Variants in LDAF1 observed in about 807,000 individuals in gnomAD.
The protein encoded by LDAF1 is PROMETHIN.
In LDAF1, 7 loss-of-function variants were observed where a neutral mutation model predicts 13.5. That is an observed-to-expected ratio of 0.52 (90% CI 0.29 to 0.97). The LOEUF is 0.97. Among genes scored for constraint, LDAF1 ranks in the 50% least tolerant of loss-of-function variants. The probability of loss-of-function intolerance (pLI) is 0.07; values close to 1 mark genes in which losing one functional copy is unlikely to be tolerated. For synonymous variants in LDAF1, 69 were observed against 77.1 expected, an observed-to-expected ratio of 0.89 and a Z score of 0.55; for missense variants, 148 against 193.2, an observed-to-expected ratio of 0.77 and a Z score of 1.39.
At chr16:21,178,587 G>A (rs1291797808) in intron 4 of LDAF1, among the ~76,000 whole-genome samples, 1 of 152,068 alleles carries the variant, frequency 6.6e-6, no homozygotes, top group African/African-American at 2.4e-5. Context: ...TAGCCCATTG[G>A]TTTCCTACCT....
At chr16:21,170,919 G>A (rs1290364277) in intron 3 of LDAF1, among the ~76,000 whole-genome samples, 2 of 152,196 alleles carry the variant, frequency 1.3e-5, no homozygotes, top group African/African-American at 2.4e-5. Flanking sequence ...TTTGGGGCAA[G>A]TGGTTTACCT....
rs576876374 is a variant in LDAF1 at position 21,161,510 on chromosome 16, G to T, written c.96+232G>T. Among the ~76,000 whole-genome samples, 15 of 152,308 alleles carry T rather than the reference G, an allele frequency of 9.8e-5. No individual in the cohort carries two copies. In the East Asian group the frequency reaches 2.7e-3, roughly 27 times the overall value. On this transcript the variant is annotated intron_variant, in intron 2 of 4. Transcript: ENST00000233047. ...CAGGCAACAGGATTTGAGGAGGGGG[G>T]AAGAGAGAAGTGCAAGCCACCTACA...
At chr16:21,169,915 CTTT>C (rs11439771) in intron 2 of LDAF1, among the ~76,000 whole-genome samples, 1 of 140,910 alleles carries the variant, frequency 7.1e-6, no homozygotes, top group Non-Finnish European at 1.5e-5. Flanking sequence ...GTTGTAGTGA[CTTT>C]TTTTTTTTTT....
At chr16:21,170,646 A>G (rs750597007) in intron 3 of LDAF1, 41 bp downstream of exon 3, 38 of 1,609,876 alleles carry the variant, frequency 2.4e-5, no homozygotes, top group South Asian at 8.8e-5. Context: ...AAATAATTCA[A>G]TTGGGAGAAA....
intron 4 of LDAF1, chr16:21,178,356 A>C: frequency 6.1e-6 from 6 of 985,360 alleles, no homozygotes; most frequent in Non-Finnish European, 7.2e-6. Context: ...GCTTCCTTAC[A>C]TCTTTACTAA....
chr16:21,165,665 T>A (rs2152843662), intron 2 of LDAF1: 1 of 897,876 alleles, frequency 1.1e-6, no homozygotes, highest in South Asian at 5.2e-5. Flanking sequence ...GATTGCTAGG[T>A]TCATATTTCT....
chr16:21,167,427 G>A (rs1184281967), intron 2 of LDAF1, among the ~76,000 whole-genome samples: 2 of 152,230 alleles, frequency 1.3e-5, no homozygotes, highest in Admixed American at 6.5e-5. Flanking sequence ...GAGAGAAGGC[G>A]TGGAGCCTAA....
chr16:21,178,338 C>T (rs2093157272), intron 4 of LDAF1: 2 of 985,346 alleles, frequency 2.0e-6, no homozygotes, highest in Non-Finnish European at 2.4e-6. Flanking sequence ...CCAGCCTGAG[C>T]ATAACTAGCT....
chr16:21,166,743 G>A (rs867966576), intron 2 of LDAF1: 6 of 988,450 alleles, frequency 6.1e-6, no homozygotes, highest in Non-Finnish European at 9.2e-6. Flanking sequence ...ATGTGGATTC[G>A]AACTGGAAAG....
chr16:21,171,897 C>G (rs1247748678), intron 3 of LDAF1, among the ~76,000 whole-genome samples: 1 of 151,876 alleles, frequency 6.6e-6, no homozygotes, highest in Non-Finnish European at 1.5e-5. Context: ...CCCACCATGC[C>G]CGACTAATTT....
chr16:21,173,652 G>T (rs1411605731), intron 3 of LDAF1, among the ~76,000 whole-genome samples: 2 of 151,936 alleles, frequency 1.3e-5, no homozygotes, highest in Non-Finnish European at 2.9e-5. Flanking sequence ...GGCGGAGGTT[G>T]CAGTGAGCTG....
At chr16:21,160,133 CAATT>C (rs2092952314) in intron 1 of LDAF1, 1 of 256,506 alleles carries the variant, frequency 3.9e-6, no homozygotes, top group Admixed American at 6.6e-5. Context: ...GAGGATCTCT[CAATT>C]AATTTTGGCC....
intron 2 of LDAF1, among the ~76,000 whole-genome samples, chr16:21,165,390 A>T (rs1274396487): frequency 6.6e-6 from 1 of 152,186 alleles, no homozygotes; most frequent in African/African-American, 2.4e-5. Context: ...TAGCCTGGGC[A>T]ATAGAGTGAG....
chr16:21,161,781 G>A (rs1462523486), intron 2 of LDAF1, among the ~76,000 whole-genome samples: 1 of 152,134 alleles, frequency 6.6e-6, no homozygotes, highest in African/African-American at 2.4e-5. Flanking sequence ...AGGAATCCAG[G>A]TCCGATAGAA....
intron 4 of LDAF1, among the ~76,000 whole-genome samples, chr16:21,175,673 C>T (rs1168847073): frequency 6.6e-6 from 1 of 152,174 alleles, no homozygotes; most frequent in East Asian, 1.9e-4. Flanking sequence ...TGGATTTGGC[C>T]AACCATTGCT....
intron 3 of LDAF1, among the ~76,000 whole-genome samples, chr16:21,171,655 G>C (rs552868933): frequency 2.0e-5 from 3 of 152,134 alleles, no homozygotes; most frequent in Non-Finnish European, 4.4e-5. Flanking sequence ...TTTGCCTCAG[G>C]GTGGGCAAGG....
chr16:21,169,902 CTTG>C (rs2093069073), intron 2 of LDAF1, among the ~76,000 whole-genome samples: 1 of 145,090 alleles, frequency 6.9e-6, no homozygotes, highest in African/African-American at 2.6e-5. Context: ...TGGGAGAAGT[CTTG>C]TTGTAGTGAC....
chr16:21,167,148 G>A (rs1187186328), intron 2 of LDAF1, among the ~76,000 whole-genome samples: 5 of 152,220 alleles, frequency 3.3e-5, no homozygotes, highest in Admixed American at 3.3e-4. Flanking sequence ...TAAGCAGGGT[G>A]CAGCTTGCAC....
chr16:21,165,553 C>T (rs1214770788), intron 2 of LDAF1: 23 of 980,024 alleles, frequency 2.3e-5, no homozygotes, highest in African/African-American at 3.5e-5. Context: ...TCATACCCAT[C>T]TACCCCTCCC....
Sources: gnomAD v4.1 joint callset for allele counts (sites outside exome capture counted in the v4.1 genomes callset) on GRCh38, gnomAD v4.1.1 for gene constraint, MANE v1.5 for transcripts, NCBI Gene and HGNC (gene_info 2026-07-23, HGNC 2026-07-21) for gene names.